The following LRRC49 variants were observed in gnomAD, a reference collection of about 807,000 sequenced individuals.
The protein encoded by LRRC49 is leucine rich repeat containing 49.
In LRRC49, 50 loss-of-function variants were observed where a neutral mutation model predicts 83.3. That is an observed-to-expected ratio of 0.60 (90% CI 0.48 to 0.76). The LOEUF (loss-of-function observed/expected upper bound fraction) is 0.76. Ranked by LOEUF, LRRC49 falls within the 30% of genes least tolerant of loss-of-function variation. The probability of loss-of-function intolerance (pLI) is 0.00; values close to 1 mark genes in which losing one functional copy is unlikely to be tolerated. For missense variants in LRRC49, 704 were observed against 809.1 expected (o/e 0.87, Z 1.58); for synonymous variants, 286 against 283.3 (o/e 1.01, Z -0.10).
chr15:71,025,385 A>C (rs1430852956), intron 14 of LRRC49, among the ~76,000 whole-genome samples: 1 of 151,198 alleles, frequency 6.6e-6, no homozygotes, highest in Non-Finnish European at 1.5e-5. Context: ...AGATTGGAGG[A>C]AAAGCCATTA....
chr15:71,036,673 A>C (rs529715078), intron 14 of LRRC49, among the ~76,000 whole-genome samples: 41 of 152,302 alleles, frequency 2.7e-4, no homozygotes, highest in Non-Finnish European at 5.1e-4. Flanking sequence ...TGATATGCTC[A>C]CAATTGGAGG....
At chr15:71,048,643 A>G (rs533758870) in intron 15 of LRRC49, 3 of 385,284 alleles carry the variant, frequency 7.8e-6, no homozygotes, top group Admixed American at 6.4e-5. Flanking sequence ...AGAAGTATCA[A>G]TAGCCAAAAT....
exon 2 of LRRC49, chr15:70,873,066 G>C (rs961217100): frequency 7.5e-6 from 5 of 669,858 alleles, no homozygotes; most frequent in Non-Finnish European, 1.3e-5. Context: ...TGTATTTTTA[G>C]TAGAGGCGGG....
intron 14 of LRRC49, among the ~76,000 whole-genome samples, chr15:71,036,901 G>A (rs895878669): frequency 6.6e-6 from 1 of 151,986 alleles, no homozygotes; most frequent in East Asian, 1.9e-4. Flanking sequence ...ATTAATTTTT[G>A]TGTTGATTTT....
intron 15 of LRRC49, among the ~76,000 whole-genome samples, chr15:71,040,769 G>A (rs966014337): frequency 1.5e-4 from 22 of 142,796 alleles, no homozygotes; most frequent in Non-Finnish European, 3.0e-4. Flanking sequence ...GCAGTGAGCC[G>A]AGATTGCGCC....
intron 1 of LRRC49, among the ~76,000 whole-genome samples, chr15:70,871,298 G>C (rs576527415): frequency 5.9e-5 from 9 of 152,158 alleles, no homozygotes; most frequent in African/African-American, 2.2e-4. Context: ...AGCATCCCAA[G>C]GCAGAAGAAT....
intron 2 of LRRC49, among the ~76,000 whole-genome samples, chr15:70,876,796 A>G (rs1279796281): frequency 1.3e-5 from 2 of 152,160 alleles, no homozygotes; most frequent in East Asian, 1.9e-4. Flanking sequence ...AAGGCATGCC[A>G]TCTCTAACAA....
At chr15:70,892,963 T>A in intron 1 of LRRC49, 21 bp downstream of exon 1, 1 of 1,613,722 alleles carries the variant, frequency 6.2e-7, no homozygotes, top group Non-Finnish European at 8.5e-7. Context: ...CCTTCTACTT[T>A]CTCTTTCTTC....
chr15:70,896,562 A>G (rs148485213), intron 3 of LRRC49, among the ~76,000 whole-genome samples: 1 of 152,174 alleles, frequency 6.6e-6, no homozygotes, highest in Non-Finnish European at 1.5e-5. Context: ...ATCTGGTTAT[A>G]TTTCTGAAAT....
At chr15:71,039,912 A>G (rs2141302429) in intron 15 of LRRC49, among the ~76,000 whole-genome samples, 1 of 152,360 alleles carries the variant, frequency 6.6e-6, no homozygotes, top group South Asian at 2.1e-4. Context: ...AAACTCTTCC[A>G]TGTTTTCAAT....
intron 1 of LRRC49, among the ~76,000 whole-genome samples, chr15:70,855,613 C>A (rs991110341): frequency 3.3e-5 from 5 of 152,168 alleles, no homozygotes; most frequent in African/African-American, 1.2e-4. Context: ...GGTGTCTGGG[C>A]AGGGCTGGGG....
At chr15:71,041,098 T>G (rs1456176162) in intron 15 of LRRC49, among the ~76,000 whole-genome samples, 1 of 152,078 alleles carries the variant, frequency 6.6e-6, no homozygotes, top group African/African-American at 2.4e-5. Flanking sequence ...CATTTCAGCT[T>G]TATGAAGTCC....
chr15:70,936,851 AT>A, intron 8 of LRRC49, 29 bp downstream of exon 8: 1 of 1,452,778 alleles, frequency 6.9e-7, no homozygotes, highest in South Asian at 1.1e-5. Context: ...GTTGTCATTC[AT>A]TATAACTTGA....
At chr15:70,915,439 ACT>A (rs948336593) in intron 6 of LRRC49, among the ~76,000 whole-genome samples, 3 of 151,764 alleles carry the variant, frequency 2.0e-5, no homozygotes, top group African/African-American at 7.3e-5. Flanking sequence ...GTCCCCCATA[ACT>A]CTATATATTT....
chr15:70,971,588 A>G (rs2037001574), intron 9 of LRRC49, among the ~76,000 whole-genome samples: 1 of 152,118 alleles, frequency 6.6e-6, no homozygotes, highest in African/African-American at 2.4e-5. Context: ...TCCCATTATT[A>G]TTGTGTGGGA....
rs183042920 is a variant in LRRC49, at chr15:70,913,349, C to T, written c.567+1751C>T. Among the ~76,000 whole-genome samples the T allele has an allele frequency of 6.6e-4, 100 of 152,220 alleles. 2 individuals carry two copies. In the South Asian group the frequency reaches 0.012, roughly 19 times the overall value. On this transcript the variant is annotated intron_variant, in intron 6 of 15. Transcript: ENST00000260382. ...TTTAATAGGCCACATCTATTAGGTT[C>T]GAATCTAGTTCAGCCTGATGTGTTT... is the stretch of plus-strand genomic sequence containing the variant.
At chr15:70,892,569 G>A (rs561201550), upstream of LRRC49, 1,052 of 1,487,472 alleles carry the variant, frequency 7.1e-4, 2 homozygotes, top group Non-Finnish European at 8.9e-4. Context: ...AAGAGGAACG[G>A]ACCGGAAGTG....
At chr15:71,023,400 T>C (rs769336357) in intron 14 of LRRC49, among the ~76,000 whole-genome samples, 16 of 152,042 alleles carry the variant, frequency 1.1e-4, no homozygotes, top group Middle Eastern at 3.4e-3. Flanking sequence ...GTAAAGATAA[T>C]AAATGGAAAT....
At chr15:70,936,868 T>A in intron 8 of LRRC49, 46 bp downstream of exon 8, 1 of 1,176,210 alleles carries the variant, frequency 8.5e-7, no homozygotes, top group Non-Finnish European at 1.3e-6. Flanking sequence ...CTTGATTGTG[T>A]GAGTTCTAGT....
Sources: gnomAD v4.1 joint callset for allele counts (sites outside exome capture counted in the v4.1 genomes callset) on GRCh38, gnomAD v4.1.1 for gene constraint, MANE v1.5 for transcripts, NCBI Gene and HGNC (gene_info 2026-07-23, HGNC 2026-07-21) for gene names.